Variants in C9orf85 observed in about 807,000 individuals in gnomAD.
C9orf85 encodes the protein uncharacterized protein C9orf85.
In C9orf85, 16 loss-of-function variants were observed where a neutral mutation model predicts 14.9. The observed-to-expected ratio is 1.08, with a 90% confidence interval of 0.73 to 1.63. The LOEUF (loss-of-function observed/expected upper bound fraction) is 1.63. Ranked by LOEUF, C9orf85 falls within the 40% of genes most tolerant of loss-of-function variation. C9orf85 has a pLI of 0.00. For synonymous variants in C9orf85, 45 were observed against 56.8 expected, an observed-to-expected ratio of 0.79 and a Z score of 0.93; for missense variants, 172 against 186.1, an observed-to-expected ratio of 0.92 and a Z score of 0.44.
At chr9:71,930,803 C>CAAAAAAA (rs747596247) in intron 1 of C9orf85, among the ~76,000 whole-genome samples, 1 of 61,022 alleles carries the variant, frequency 1.6e-5, no homozygotes, top group Non-Finnish European at 3.1e-5. Context: ...GACCCTGTCT[C>CAAAAAAA]AAAAAAAAAA....
intron 2 of C9orf85, among the ~76,000 whole-genome samples, chr9:71,951,776 G>A (rs1822251139): frequency 6.6e-6 from 1 of 151,866 alleles, no homozygotes; most frequent in African/African-American, 2.4e-5. Context: ...TACCATTCCT[G>A]GTCAATCCCA....
rs549448952 is a variant in C9orf85, at chr9:71,951,515, C to T, written c.209+4403C>T. 6.6e-5 allele frequency among the ~76,000 whole-genome samples: 10 copies of T among 152,300 alleles called. 1 individual carries two copies. In the South Asian group the frequency reaches 2.1e-3, roughly 32 times the overall value. On this transcript the variant is annotated intron_variant, in intron 2 of 3. Transcript: ENST00000334731. ...CACAATCTGTACCAAGATCCTCCTA[C>T]CCATTTCTTAAGGCCAGTACCTACT...
downstream of C9orf85, chr9:71,983,719 G>A (rs980582038): frequency 1.3e-5 from 2 of 152,172 alleles, no homozygotes; most frequent in African/African-American, 4.8e-5. Context: ...CTGGTACATT[G>A]CTTCAGTAGG....
At chr9:71,986,053 A>G (rs1029046082), downstream of C9orf85, 5 of 152,260 alleles carry the variant, frequency 3.3e-5, no homozygotes, top group African/African-American at 1.2e-4. Context: ...TAGCAATAAA[A>G]AGAAATAAAC....
chr9:71,919,909 GTGCAATCTCGGCTCAC>G (rs1827751159), intron 1 of C9orf85, among the ~76,000 whole-genome samples: 1 of 151,304 alleles, frequency 6.6e-6, no homozygotes, highest in African/African-American at 2.4e-5. Flanking sequence ...GAGTGCAGCG[GTGCAATCTCGGCTCAC>G]TGCAATCTCC....
chr9:71,929,096 G>A (rs1828008042), intron 1 of C9orf85, among the ~76,000 whole-genome samples: 1 of 152,150 alleles, frequency 6.6e-6, no homozygotes, highest in East Asian at 1.9e-4. Context: ...CTTTGAGGAA[G>A]TTAGTTTTAA....
At chr9:71,957,591 GA>G (rs1822412818) in intron 2 of C9orf85, among the ~76,000 whole-genome samples, 1 of 152,106 alleles carries the variant, frequency 6.6e-6, no homozygotes, top group African/African-American at 2.4e-5. Flanking sequence ...TAGTTTATTT[GA>G]AAAATCAGGT....
downstream of C9orf85, chr9:71,984,896 G>A (rs1369303023): frequency 6.6e-6 from 1 of 152,282 alleles, no homozygotes; most frequent in Non-Finnish European, 1.5e-5. Flanking sequence ...GCCACCACAT[G>A]GGCCAGGCAG....
chr9:71,923,970 T>C (rs1219505912), intron 1 of C9orf85, among the ~76,000 whole-genome samples: 1 of 152,198 alleles, frequency 6.6e-6, no homozygotes, highest in Non-Finnish European at 1.5e-5. Flanking sequence ...AAGTCGTGGC[T>C]TTTGGGGACA....
downstream of C9orf85, among the ~76,000 whole-genome samples, chr9:71,974,067 C>T (rs1195824246): frequency 2.0e-5 from 3 of 151,460 alleles, no homozygotes; most frequent in Non-Finnish European, 4.4e-5. Flanking sequence ...GCTGAGATTA[C>T]AGGTGCCCGC....
intron 1 of C9orf85, among the ~76,000 whole-genome samples, chr9:71,935,807 T>C (rs1291086381): frequency 6.6e-6 from 1 of 152,082 alleles, no homozygotes; most frequent in Non-Finnish European, 1.5e-5. Context: ...TGGATGGTGG[T>C]GATGGTTGTA....
chr9:71,980,333 G>T (rs1459305412), intron 3 of C9orf85, among the ~76,000 whole-genome samples: 4 of 151,928 alleles, frequency 2.6e-5, no homozygotes. Context: ...TCTTTAATCT[G>T]TAAGAGTTAT....
intron 2 of C9orf85, among the ~76,000 whole-genome samples, chr9:71,965,794 A>AC (rs1822675495): frequency 6.6e-6 from 1 of 152,118 alleles, no homozygotes; most frequent in South Asian, 2.1e-4. Flanking sequence ...AACAGTGGTG[A>AC]CCTGTGTTTT....
At chr9:71,965,864 TTGAG>T (rs1375870137) in intron 2 of C9orf85, among the ~76,000 whole-genome samples, 7 of 152,236 alleles carry the variant, frequency 4.6e-5, no homozygotes, top group African/African-American at 7.2e-5. Flanking sequence ...TCAGAATTGT[TTGAG>T]TGATTGTTTC....
downstream of C9orf85, among the ~76,000 whole-genome samples, chr9:71,977,353 C>T (rs1311189734): frequency 1.3e-5 from 2 of 151,064 alleles, no homozygotes; most frequent in South Asian, 2.1e-4. Flanking sequence ...TATTTTATAG[C>T]ACTTACGTGC....
intron 1 of C9orf85, among the ~76,000 whole-genome samples, chr9:71,936,067 T>C (rs553007708): frequency 1.3e-5 from 2 of 151,964 alleles, no homozygotes; most frequent in Non-Finnish European, 2.9e-5. Flanking sequence ...TGACCTAAGT[T>C]TTTTTATCTA....
At chr9:71,946,125 T>C (rs1379979807) in intron 1 of C9orf85, among the ~76,000 whole-genome samples, 1 of 152,234 alleles carries the variant, frequency 6.6e-6, no homozygotes, top group African/African-American at 2.4e-5. Context: ...TTATTTAAGT[T>C]TGAAGAAACC....
intron 2 of C9orf85, among the ~76,000 whole-genome samples, chr9:71,960,780 C>T (rs1822492157): frequency 6.6e-6 from 1 of 152,004 alleles, no homozygotes; most frequent in African/African-American, 2.4e-5. Flanking sequence ...CTCCTAACCT[C>T]AAGTGATCTG....
At chr9:71,965,127 G>A (rs1822654872) in intron 2 of C9orf85, among the ~76,000 whole-genome samples, 2 of 152,174 alleles carry the variant, frequency 1.3e-5, no homozygotes, top group Admixed American at 1.3e-4. Context: ...AGATTTAATA[G>A]AGTAGAAACA....
Sources: allele counts gnomAD v4.1 joint callset (sites outside exome capture counted in the v4.1 genomes callset), GRCh38; gene constraint gnomAD v4.1.1; transcripts MANE v1.5; gene names NCBI Gene and HGNC (gene_info 2026-07-23, HGNC 2026-07-21).